ELAVL2: variants seen among roughly 807,000 people sequenced by gnomAD.
ELAVL2 encodes the protein ELAV-like protein 2.
ELAVL2 carries 4 observed loss-of-function variants against 34.6 expected under a neutral mutation model. The observed-to-expected ratio is 0.12, with a 90% CI of 0.06 to 0.26. The LOEUF is 0.26. Among genes scored for constraint, ELAVL2 ranks in the 10% least tolerant of loss-of-function variants. The probability of loss-of-function intolerance (pLI) is 1.00; values close to 1 mark genes in which losing one functional copy is unlikely to be tolerated. For missense variants in ELAVL2, 432 were observed against 442.8 expected (o/e 0.98, Z 0.22); for synonymous variants, 193 against 154.8 (o/e 1.25, Z -1.83).
intron 4 of ELAVL2, among the ~76,000 whole-genome samples, chr9:23,702,951 C>CAAAATAAAAAAAAAAAAAAA (rs2037829357): frequency 2.1e-5 from 1 of 47,626 alleles, no homozygotes; most frequent in Admixed American, 4.5e-4. Flanking sequence ...ATCAGATTAG[C>CAAAATAAAAAAAAAAAAAAA]AAAAAAAAAA....
chr9:23,806,635 GTAA>G (rs2062256513), intron 1 of ELAVL2, among the ~76,000 whole-genome samples: 1 of 151,814 alleles, frequency 6.6e-6, no homozygotes, highest in African/African-American at 2.4e-5. Context: ...AAAAAAATCA[GTAA>G]TAAGACAATA....
chr9:23,750,216 G>A (rs1263861527), intron 2 of ELAVL2, among the ~76,000 whole-genome samples: 1 of 151,994 alleles, frequency 6.6e-6, no homozygotes, highest in Non-Finnish European at 1.5e-5. Context: ...CTACTTTTAA[G>A]TAGCACATCA....
At chr9:23,791,797 G>C (rs1452295015) in intron 1 of ELAVL2, among the ~76,000 whole-genome samples, 1 of 152,116 alleles carries the variant, frequency 6.6e-6, no homozygotes, top group Non-Finnish European at 1.5e-5. Flanking sequence ...CTTGATCTTG[G>C]TCTTCCAGCC....
intron 2 of ELAVL2, among the ~76,000 whole-genome samples, chr9:23,753,689 T>C (rs1380003059): frequency 2.0e-5 from 3 of 152,166 alleles, no homozygotes; most frequent in Non-Finnish European, 4.4e-5. Flanking sequence ...ATCGACATTT[T>C]CCATCATTCC....
intron 2 of ELAVL2, among the ~76,000 whole-genome samples, 156 bp from the exon 3 acceptor site, chr9:23,731,281 T>TTA (rs943298436): frequency 1.3e-5 from 2 of 152,116 alleles, no homozygotes; most frequent in African/African-American, 4.8e-5. Flanking sequence ...CATGAAGTCT[T>TTA]TATGTCTCCT....
chr9:23,765,687 C>G (rs2056083591), intron 1 of ELAVL2, among the ~76,000 whole-genome samples: 1 of 152,152 alleles, frequency 6.6e-6, no homozygotes, highest in Non-Finnish European at 1.5e-5. Context: ...CGGTTTCTAA[C>G]AGTTTCAATG....
At chr9:23,746,464 C>G (rs954051629) in intron 2 of ELAVL2, among the ~76,000 whole-genome samples, 1 of 152,106 alleles carries the variant, frequency 6.6e-6, no homozygotes, top group South Asian at 2.1e-4. Context: ...TGAGTAAGGG[C>G]TGGGAACCAG....
chr9:23,700,655 C>A (rs990951285), intron 5 of ELAVL2, among the ~76,000 whole-genome samples: 2 of 152,116 alleles, frequency 1.3e-5, no homozygotes, highest in African/African-American at 4.8e-5. Flanking sequence ...AAGACAGATG[C>A]AACAGTGACC....
chr9:23,736,269 T>A (rs1441568931), intron 2 of ELAVL2, among the ~76,000 whole-genome samples: 2 of 152,098 alleles, frequency 1.3e-5, no homozygotes, highest in East Asian at 3.9e-4. Flanking sequence ...GAAAATAAAA[T>A]TTTGTATTTA....
At chr9:23,838,843 G>A in the ELAVL2 span, among the ~76,000 whole-genome samples, 1 of 152,084 alleles carries the variant, frequency 6.6e-6, no homozygotes, top group South Asian at 2.1e-4. Flanking sequence ...TAATTATAAT[G>A]AGATTGAACA....
intron 1 of ELAVL2, among the ~76,000 whole-genome samples, chr9:23,770,932 A>G (rs776613109): frequency 2.4e-4 from 37 of 152,218 alleles, no homozygotes; most frequent in African/African-American, 3.4e-4. Context: ...TGACAAGGAG[A>G]TAACAGGGAG....
chr9:23,740,908 A>G (rs1004313084), intron 2 of ELAVL2, among the ~76,000 whole-genome samples: 1 of 152,246 alleles, frequency 6.6e-6, no homozygotes, highest in Non-Finnish European at 1.5e-5. Flanking sequence ...AGATTGCATT[A>G]AAATGCTTTC....
chr9:23,832,061 A>G, the ELAVL2 span: 1 of 152,236 alleles, frequency 6.6e-6, no homozygotes, highest in Admixed American at 6.5e-5. Context: ...TTATCTGAGC[A>G]GGGGTGAGAG....
intron 2 of ELAVL2, among the ~76,000 whole-genome samples, chr9:23,737,419 A>G (rs920106657): frequency 3.3e-5 from 5 of 152,238 alleles, no homozygotes; most frequent in African/African-American, 1.2e-4. Flanking sequence ...AAAATTGTTC[A>G]TACGAAAAAT....
chr9:23,822,508 T>C (rs9792583), intron 1 of ELAVL2, among the ~76,000 whole-genome samples: 21,655 of 152,062 alleles, frequency 0.14, 2,027 homozygotes, highest in East Asian at 0.31. Flanking sequence ...GGGCGTCCCA[T>C]CGCTGCCTTG....
chr9:23,699,812 GTTTTTTTTTTT>G (rs199637833), intron 5 of ELAVL2, among the ~76,000 whole-genome samples: 88 of 82,954 alleles, frequency 1.1e-3, no homozygotes, highest in Admixed American at 2.9e-3. Flanking sequence ...GGTGGCAAAG[GTTTTTTTTTTT>G]TTTTTTTTTT....
chr9:23,716,592 A>G (rs1416373403), intron 3 of ELAVL2, among the ~76,000 whole-genome samples: 2 of 152,158 alleles, frequency 1.3e-5, no homozygotes, highest in Non-Finnish European at 2.9e-5. Flanking sequence ...TAAGCAATAG[A>G]CAGAAGCTTC....
At chr9:23,725,534 T>C (rs1013927903) in intron 3 of ELAVL2, among the ~76,000 whole-genome samples, 14 of 152,170 alleles carry the variant, frequency 9.2e-5, no homozygotes, top group Admixed American at 7.9e-4. Flanking sequence ...CTCTCCTCCT[T>C]CTTTACAGTG....
chr9:23,720,109 G>A (rs1463092689), intron 3 of ELAVL2, among the ~76,000 whole-genome samples: 2 of 151,742 alleles, frequency 1.3e-5, no homozygotes, highest in Non-Finnish European at 2.9e-5. Flanking sequence ...TTACAGGCGT[G>A]AGCCACCGCG....
Sources: gnomAD v4.1 joint callset for allele counts (sites outside exome capture counted in the v4.1 genomes callset) on GRCh38, gnomAD v4.1.1 for gene constraint, MANE v1.5 for transcripts, NCBI Gene and HGNC (gene_info 2026-07-23, HGNC 2026-07-21) for gene names.